Variants in ZNF451 observed in about 807,000 individuals in gnomAD.
The protein encoded by ZNF451 is E3 SUMO-protein ligase ZNF451.
ZNF451 carries 80 observed loss-of-function variants against 107.1 expected under a neutral mutation model. The observed-to-expected ratio is 0.75, with a 90% CI of 0.62 to 0.90. The LOEUF (loss-of-function observed/expected upper bound fraction) is 0.90. Ranked by LOEUF, ZNF451 falls within the 40% of genes least tolerant of loss-of-function variation. The probability of loss-of-function intolerance (pLI) is 0.00; values close to 1 mark genes in which losing one functional copy is unlikely to be tolerated. For synonymous variants in ZNF451, 362 were observed against 406.5 expected (o/e 0.89, Z 1.32); for missense variants, 1,107 against 1,236.2 (o/e 0.90, Z 1.57).
In ZNF451 at chr6:57,154,273, A is replaced by G. The variant is rs547128445; in HGVS notation, c.3070+226A>G. 24 of 599,594 alleles carry G rather than the reference A, an allele frequency of 4.0e-5. No homozygotes were observed. The African/African-American group carries it at 4.3e-4, about 11-fold the overall frequency. 37.1% of individuals were successfully genotyped at this position (599,594 alleles called of 1,614,324 possible). A position where few individuals can be genotyped will look rare whatever the true frequency, so the allele number is the denominator to read the frequency against. On this transcript the variant is annotated intron_variant, in intron 13 of 14. Coordinates refer to ENST00000370706, the MANE Select transcript of ZNF451 (RefSeq NM_001031623.3). ...AATTTTCTGGAGCTTTTTTTGATCT[A>G]GTAGATAAAATCTATATTGATGTAT...
At chr6:57,094,779 C>T (rs987835519) in intron 2 of ZNF451, among the ~76,000 whole-genome samples, 2 of 152,050 alleles carry the variant, frequency 1.3e-5, no homozygotes, top group African/African-American at 2.4e-5. Context: ...TGTGTTATTT[C>T]AGGAACTCAG....
At chr6:57,099,650 GTTAT>G in intron 3 of ZNF451, 1 of 625,450 alleles carries the variant, frequency 1.6e-6, no homozygotes, top group South Asian at 1.9e-5. Context: ...CATATTTGGA[GTTAT>G]TTATCTTACC....
intron 14 of ZNF451, chr6:57,165,243 G>C (rs1763844935): frequency 6.6e-6 from 1 of 151,982 alleles, no homozygotes; most frequent in Non-Finnish European, 1.5e-5. Context: ...TGAGCTTCTT[G>C]GATATGTAGA....
At chr6:57,158,281 C>T (rs998757642) in intron 13 of ZNF451, among the ~76,000 whole-genome samples, 1 of 151,866 alleles carries the variant, frequency 6.6e-6, no homozygotes, top group East Asian at 1.9e-4. Flanking sequence ...TATTCTGCCA[C>T]AGTATAGGGA....
intron 3 of ZNF451, chr6:57,103,612 A>G (rs940025190): frequency 4.1e-6 from 4 of 985,288 alleles, no homozygotes; most frequent in Non-Finnish European, 4.8e-6. Context: ...GTCTGAATAC[A>G]TCACCTAGTA....
intron 2 of ZNF451, among the ~76,000 whole-genome samples, chr6:57,093,514 A>G (rs142078535): frequency 2.3e-3 from 353 of 152,338 alleles, no homozygotes; most frequent in African/African-American, 8.2e-3. Context: ...TACAAGGATT[A>G]ATTTGAAATA....
chr6:57,142,234 C>T, intron 9 of ZNF451, 139 bp downstream of exon 9: 1 of 1,009,670 alleles, frequency 9.9e-7, no homozygotes, highest in Non-Finnish European at 1.4e-6. Flanking sequence ...CCAAATTTAA[C>T]ATAGTGAGAG....
At chr6:57,126,822 A>G (rs1830951921) in intron 4 of ZNF451, among the ~76,000 whole-genome samples, 1 of 152,196 alleles carries the variant, frequency 6.6e-6, no homozygotes, top group Non-Finnish European at 1.5e-5. Context: ...GATGATTTCA[A>G]TAAGTGTTTT....
At chr6:57,123,734 A>G (rs1830759830) in intron 3 of ZNF451, among the ~76,000 whole-genome samples, 7 of 152,194 alleles carry the variant, frequency 4.6e-5, no homozygotes. Flanking sequence ...ATAAAGATGT[A>G]CACATTTTGT....
At position 57,168,408 on chromosome 6, in the gene ZNF451, T is replaced by C; in HGVS notation, c.3140-15T>C. 1.3e-6 allele frequency: 2 copies of C among 1,590,186 alleles called. No individual in the cohort carries two copies. The highest frequency in any genetic ancestry group is 8.6e-7 in the Non-Finnish European group (1 of 1,162,446). On this transcript the variant is annotated splice_polypyrimidine_tract_variant and intron_variant, in intron 14 of 14. Transcript: ENST00000370706. ...TTCTGCCCTAAGTGTTAAAATTCTA[T>C]GTTTTTTAATGCAGATGTGGAATTA...
chr6:57,101,175 C>G (rs960865558), intron 3 of ZNF451: 1 of 1,550,728 alleles, frequency 6.4e-7, no homozygotes, highest in South Asian at 1.2e-5. Context: ...CATCTGACCC[C>G]AGCCAATCTA....
intron 3 of ZNF451, chr6:57,107,915 T>G (rs1013950603): frequency 2.9e-6 from 2 of 680,260 alleles, no homozygotes; most frequent in African/African-American, 3.9e-5. Flanking sequence ...CACGGCTCAC[T>G]GCAAGCTCTG....
chr6:57,100,018 G>A (rs1829517097), intron 3 of ZNF451, among the ~76,000 whole-genome samples: 1 of 152,162 alleles, frequency 6.6e-6, no homozygotes, highest in African/African-American at 2.4e-5. Context: ...GTTGTTGTGA[G>A]GATGAAATGA....
At chr6:57,162,398 T>C (rs1763707440) in intron 14 of ZNF451, among the ~76,000 whole-genome samples, 1 of 152,246 alleles carries the variant, frequency 6.6e-6, no homozygotes, top group African/African-American at 2.4e-5. Context: ...ATTAAGTAGA[T>C]AGCTGTAATC....
chr6:57,163,555 A>G (rs896934947), intron 14 of ZNF451, among the ~76,000 whole-genome samples: 1 of 135,260 alleles, frequency 7.4e-6, no homozygotes, highest in Non-Finnish European at 1.5e-5. Context: ...GGTTCACGCC[A>G]TTCTCCTGCC....
At chr6:57,097,758 G>A (rs1829395994) in intron 2 of ZNF451, among the ~76,000 whole-genome samples, 1 of 151,852 alleles carries the variant, frequency 6.6e-6, no homozygotes, top group African/African-American at 2.4e-5. Context: ...CAGATTACAG[G>A]CCTGCATTTC....
At chr6:57,162,646 G>C (rs1332346515) in intron 14 of ZNF451, among the ~76,000 whole-genome samples, 1 of 152,180 alleles carries the variant, frequency 6.6e-6, no homozygotes, top group Non-Finnish European at 1.5e-5. Flanking sequence ...AAACAGTACT[G>C]AACATCTAAA....
At chr6:57,108,609 A>C (rs1262200334) in intron 3 of ZNF451, 4 of 985,266 alleles carry the variant, frequency 4.1e-6, no homozygotes, top group Non-Finnish European at 4.8e-6. Context: ...TTATATAAGT[A>C]GTCTCATTTA....
intron 3 of ZNF451, chr6:57,107,756 A>G (rs1349670404): frequency 2.0e-6 from 2 of 984,994 alleles, no homozygotes; most frequent in African/African-American, 1.7e-5. Flanking sequence ...AGGACTTTGG[A>G]GATCTCTCAA....
Sources: allele counts gnomAD v4.1 joint callset (sites outside exome capture counted in the v4.1 genomes callset), GRCh38; gene constraint gnomAD v4.1.1; transcripts MANE v1.5; gene names NCBI Gene and HGNC (gene_info 2026-07-23, HGNC 2026-07-21).